Variants in TPM3 observed in about 807,000 individuals in gnomAD.
TPM3 encodes tropomyosin alpha-3 chain.
In TPM3, 16 loss-of-function variants were observed where a neutral mutation model predicts 43.1. The ratio of observed to expected loss-of-function variants is 0.37; its 90% CI spans 0.25 to 0.56. The LOEUF is 0.56. TPM3 is among the 20% of genes least tolerant of loss of function. The pLI is 0.77. For missense variants in TPM3, 176 were observed against 337.2 expected (o/e 0.52, Z 3.74); for synonymous variants, 101 against 116.9 (o/e 0.86, Z 0.88).
At chr1:154,174,380 A>T (rs1231340316) in intron 3 of TPM3, among the ~76,000 whole-genome samples, 1 of 86,376 alleles carries the variant, frequency 1.2e-5, no homozygotes, top group African/African-American at 5.9e-5. Flanking sequence ...ATATATATAT[A>T]TATATATATA....
At chr1:154,174,414 A>ACACAC (rs1479898648) in intron 3 of TPM3, among the ~76,000 whole-genome samples, 14 of 135,620 alleles carry the variant, frequency 1.0e-4, no homozygotes, top group African/African-American at 2.4e-4. Flanking sequence ...ATATACACAC[A>ACACAC]AAAATCCCAT....
intron 8 of TPM3, 139 bp from the exon 9 acceptor site, chr1:154,169,522 T>G (rs1661348614): frequency 1.2e-6 from 1 of 801,180 alleles, no homozygotes; most frequent in Admixed American, 2.0e-5. Flanking sequence ...ATATCTACTC[T>G]GGCAACCATG....
intron 6 of TPM3, 93 bp from the exon 7 acceptor site, chr1:154,170,804 T>G: frequency 1.1e-6 from 1 of 887,716 alleles, no homozygotes; most frequent in South Asian, 1.3e-5. Flanking sequence ...GAATATCCTC[T>G]TGCACTAAAT....
At chr1:154,171,030 A>T in intron 6 of TPM3, 1 of 525,574 alleles carries the variant, frequency 1.9e-6, no homozygotes. Flanking sequence ...CCCCAAGGTC[A>T]CATGACTGAA....
intron 2 of TPM3, among the ~76,000 whole-genome samples, chr1:154,180,344 G>A (rs1662808848): frequency 6.6e-6 from 1 of 152,130 alleles, no homozygotes; most frequent in East Asian, 1.9e-4. Context: ...GGAGGAGTCT[G>A]CAAAACCCAC....
At chr1:154,185,126 C>T (rs1663348843) in intron 2 of TPM3, among the ~76,000 whole-genome samples, 2 of 152,060 alleles carry the variant, frequency 1.3e-5, no homozygotes, top group Non-Finnish European at 1.5e-5. Context: ...AATCCCAGCA[C>T]TTTGGGAGGC....
chr1:154,172,211 C>A lies in TPM3; in HGVS notation c.566+697G>T. ...AGCAGCAAAACGAAAAAAAAAAATT[C>A]AAAAAATGGGAAGAGAACACCACCA... On this transcript the variant is annotated intron_variant, in intron 5 of 9. Coordinates refer to ENST00000651641, the MANE Select transcript of TPM3 (RefSeq NM_152263.4). 3 of 1,105,372 alleles carry A rather than the reference C, an allele frequency of 2.7e-6. No homozygotes were observed. The East Asian group carries it at 7.1e-5, about 26-fold the overall frequency. 68.5% of individuals were successfully genotyped at this position (1,105,372 alleles called of 1,614,324 possible). A position where few individuals can be genotyped will look rare whatever the true frequency, so the allele number is the denominator to read the frequency against.
downstream of TPM3, chr1:154,158,582 G>T: frequency 2.8e-6 from 1 of 354,410 alleles, no homozygotes; most frequent in Non-Finnish European, 5.3e-6. Context: ...CCATTCCTGG[G>T]CCTGCCGATG....
At chr1:154,159,353 GA>G (rs1277499066), downstream of TPM3, among the ~76,000 whole-genome samples, 20 of 152,182 alleles carry the variant, frequency 1.3e-4, no homozygotes, top group African/African-American at 4.8e-4. Context: ...TTGAGAAACT[GA>G]AACAAGGGAA....
downstream of TPM3, chr1:154,157,776 A>T: frequency 1.3e-6 from 1 of 780,160 alleles, no homozygotes; most frequent in Non-Finnish European, 2.4e-6. Context: ...TTCAAGGTCT[A>T]CCCGCTCTTT....
chr1:154,168,563 C>G (rs756989846), intron 9 of TPM3, among the ~76,000 whole-genome samples: 4 of 152,178 alleles, frequency 2.6e-5, no homozygotes, highest in Non-Finnish European at 4.4e-5. Flanking sequence ...GCTCTTCAAC[C>G]CAGACTGGAG....
chr1:154,176,377 C>G (rs976644930), intron 2 of TPM3, 129 bp from the exon 3 acceptor site: 2 of 1,341,708 alleles, frequency 1.5e-6, no homozygotes, highest in African/African-American at 2.9e-5. Context: ...CTTGTCTTAG[C>G]TCAGCTGTTA....
In TPM3 at chr1:154,169,555, C is replaced by G; in HGVS notation, c.776-172G>C. The G allele has an allele frequency of 8.9e-6, 6 of 675,004 alleles. No homozygotes were observed. The South Asian group carries it at 1.0e-4, about 12-fold the overall frequency. The allele number at this position is 675,004 out of a possible 1,614,324, so 41.8% of individuals were successfully genotyped here. ...ATGACTGGACATTTTCAGATCTACT[C>G]TCTCCTATGACCAACTTCCTTTCTT... On this transcript the variant is annotated intron_variant, in intron 8 of 9. Transcript: ENST00000651641.
chr1:154,183,218 T>C (rs907004174), intron 2 of TPM3: 1 of 1,563,778 alleles, frequency 6.4e-7, no homozygotes, highest in Non-Finnish European at 8.6e-7. Context: ...CGCCCTGAAA[T>C]ACCGGAACTC....
intron 2 of TPM3, among the ~76,000 whole-genome samples, chr1:154,185,191 G>A (rs926485362): frequency 6.6e-6 from 1 of 151,650 alleles, no homozygotes; most frequent in Non-Finnish European, 1.5e-5. Context: ...GGCCAACATG[G>A]CAAAACCCCG....
In TPM3 at chr1:154,167,905, G is replaced by A. The variant is rs141699072; in HGVS notation, c.*32C>T. On this transcript the variant is annotated 3_prime_UTR_variant, in exon 10 of 10. Transcript: ENST00000651641. ...TTGGGTTCCCCGAGGAGTAAAGGGG[G>A]CAGATCCAGAACAGAGCAGAAACGG... 9.2e-5 allele frequency: 148 copies of A among 1,614,062 alleles called. No individual in the cohort carries two copies. Among genetic ancestry groups the A allele is most frequent in the Non-Finnish European group, 1.1e-4 (132 of 1,179,942 alleles).
At position 154,179,030 on chromosome 1, in the gene TPM3, C is replaced by G. The variant is rs72696231; in HGVS notation, c.244-2782G>C. Among the ~76,000 whole-genome samples, 1,228 of 152,286 alleles carry G rather than the reference C, an allele frequency of 8.1e-3. 7 individuals are homozygous for G. The highest frequency in any genetic ancestry group is 0.013 in the Non-Finnish European group (897 of 68,016). On this transcript the variant is annotated intron_variant, in intron 2 of 9. Transcript: ENST00000651641. ...ATGGTACTCTCAGGCAGAACAGGGC[C>G]AAGGACAGAAGGGGATTAGCCTAAA...
Position 154,171,997 on chromosome 1 carries a change from T to C in TPM3, c.567-509A>G, listed in dbSNP as rs541389928. 28 of 1,611,758 alleles carry C rather than the reference T, an allele frequency of 1.7e-5. No individual in the cohort carries two copies. In the African/African-American group the frequency reaches 2.5e-4, roughly 15 times the overall value. ...AAACAAAACAAAACCACACCACATA[T>C]ATAACCTTGCTGTGGGCTTAATGGT... On this transcript the variant is annotated intron_variant, in intron 5 of 9. Transcript: ENST00000651641.
chr1:154,186,817 C>T (rs1663432268), intron 2 of TPM3, among the ~76,000 whole-genome samples: 1 of 151,640 alleles, frequency 6.6e-6, no homozygotes. Context: ...TTTGGACTCG[C>T]CTTGCCATAC....
Sources: allele counts gnomAD v4.1 joint callset (sites outside exome capture counted in the v4.1 genomes callset), GRCh38; gene constraint gnomAD v4.1.1; transcripts MANE v1.5; gene names NCBI Gene and HGNC (gene_info 2026-07-23, HGNC 2026-07-21).